CCDC85A: variants seen among roughly 807,000 people sequenced by gnomAD.
The protein encoded by CCDC85A is coiled-coil domain containing 85A, also known as coiled-coil domain-containing protein 85A.
A neutral mutation model predicts 50.2 loss-of-function variants in CCDC85A; 38 were observed. The observed-to-expected ratio is 0.76, with a 90% CI of 0.58 to 0.99. The LOEUF is 0.99. CCDC85A is among the 50% of genes least tolerant of loss of function. The probability of loss-of-function intolerance (pLI) is 0.00; values close to 1 mark genes in which losing one functional copy is unlikely to be tolerated. For synonymous variants in CCDC85A, 366 were observed against 301.4 expected (o/e 1.21, Z -2.22); for missense variants, 820 against 742.0 (o/e 1.11, Z -1.22).
chr2:56,340,566 G>C (rs1484822366), intron 2 of CCDC85A, among the ~76,000 whole-genome samples: 2 of 152,206 alleles, frequency 1.3e-5, no homozygotes, highest in South Asian at 4.1e-4. Flanking sequence ...TAGAGCAGTA[G>C]TGAAAGTTTA....
At chr2:56,341,866 T>C (rs1294129155) in intron 2 of CCDC85A, among the ~76,000 whole-genome samples, 1 of 152,244 alleles carries the variant, frequency 6.6e-6, no homozygotes, top group African/African-American at 2.4e-5. Context: ...AATAGCTCTT[T>C]CATGTTTTTT....
At chr2:56,317,143 T>A (rs151257658) in intron 2 of CCDC85A, among the ~76,000 whole-genome samples, 42 of 152,234 alleles carry the variant, frequency 2.8e-4, no homozygotes, top group African/African-American at 8.2e-4. Context: ...CCTGTATTTC[T>A]CATAGCCAAG....
At chr2:56,321,478 C>T (rs528343215) in intron 2 of CCDC85A, among the ~76,000 whole-genome samples, 5 of 152,142 alleles carry the variant, frequency 3.3e-5, no homozygotes, top group East Asian at 3.9e-4. Flanking sequence ...AAAAATCACA[C>T]GCATTCCTAT....
chr2:56,228,586 G>A (rs1366342167), intron 2 of CCDC85A, among the ~76,000 whole-genome samples: 2 of 151,584 alleles, frequency 1.3e-5, no homozygotes, highest in African/African-American at 2.4e-5. Context: ...AGGCTGGAGT[G>A]CAGTGGCACG....
At chr2:56,221,279 T>A (rs1001847995) in intron 2 of CCDC85A, among the ~76,000 whole-genome samples, 1 of 152,080 alleles carries the variant, frequency 6.6e-6, no homozygotes, top group Non-Finnish European at 1.5e-5. Flanking sequence ...TTTTATACCA[T>A]ATATACACTT....
intron 2 of CCDC85A, among the ~76,000 whole-genome samples, chr2:56,335,598 A>G (rs1674031910): frequency 7.3e-6 from 1 of 136,704 alleles, no homozygotes; most frequent in Non-Finnish European, 1.5e-5. Context: ...AGGGGGCCAA[A>G]CTCATCTTTT....
rs1277065742 is a variant in CCDC85A, at chr2:56,184,804, G to A, written c.180G>A (p.Glu60=). 1.9e-6 allele frequency: 3 copies of A among 1,546,350 alleles called. No individual in the cohort carries two copies. The highest frequency in any genetic ancestry group is 1.2e-5 in the South Asian group (1 of 83,780). Residue 60 remains glutamate (E), a synonymous_variant, in exon 1 of 6, where the codon GAG becomes GAA. Transcript: ENST00000407595. Reference sequence around the variant, plus strand: ...TGATCCGCAGCCTGCGGCGCGCCGAGGCGGAGAAGGTGAGCGCGATGCTGG... The same window carrying A: ...TGATCCGCAGCCTGCGGCGCGCCGAAGCGGAGAAGGTGAGCGCGATGCTGG... ...EELIRSLRRA[E]AEKVSAMLDH... is the part of the protein sequence containing the mutation.
At chr2:56,200,900 C>T (rs1465952367) in intron 2 of CCDC85A, among the ~76,000 whole-genome samples, 8 of 151,430 alleles carry the variant, frequency 5.3e-5, no homozygotes, top group South Asian at 2.1e-4. Context: ...ATTCAATTAC[C>T]GGATAAATGA....
intron 2 of CCDC85A, among the ~76,000 whole-genome samples, chr2:56,307,945 A>G (rs1672516896): frequency 6.6e-6 from 1 of 152,244 alleles, no homozygotes; most frequent in Non-Finnish European, 1.5e-5. Flanking sequence ...GAACACAGCT[A>G]TGATGACATA....
At chr2:56,226,289 A>T (rs367814611) in intron 2 of CCDC85A, among the ~76,000 whole-genome samples, 1 of 152,200 alleles carries the variant, frequency 6.6e-6, no homozygotes, top group Non-Finnish European at 1.5e-5. Context: ...AATAGATGTT[A>T]TGAGGGCAAG....
chr2:56,382,482 G>A (rs933887673), intron 5 of CCDC85A, among the ~76,000 whole-genome samples: 2 of 151,962 alleles, frequency 1.3e-5, no homozygotes, highest in African/African-American at 2.4e-5. Flanking sequence ...AGAAATAAAT[G>A]TACTGCCCCC....
intron 2 of CCDC85A, among the ~76,000 whole-genome samples, chr2:56,331,611 A>G (rs1673799322): frequency 6.6e-6 from 1 of 152,170 alleles, no homozygotes; most frequent in African/African-American, 2.4e-5. Flanking sequence ...TTCTGGTACA[A>G]TAGACCCTAA....
chr2:56,211,755 CT>C (rs1035877571), intron 2 of CCDC85A, among the ~76,000 whole-genome samples: 3 of 151,938 alleles, frequency 2.0e-5, no homozygotes, highest in African/African-American at 7.2e-5. Context: ...TATGTGTCCC[CT>C]ATCCCCTGTT....
At chr2:56,221,143 C>T (rs768541544) in intron 2 of CCDC85A, among the ~76,000 whole-genome samples, 6 of 151,962 alleles carry the variant, frequency 3.9e-5, no homozygotes, top group South Asian at 2.1e-4. Context: ...AGATTAGCCA[C>T]GTAGAACTGT....
In CCDC85A at chr2:56,365,777, C is replaced by A. The variant is rs572672802; in HGVS notation, c.1318-6567C>A. On this transcript the variant is annotated intron_variant, in intron 3 of 5. Transcript: ENST00000407595. ...ATCATTTTTGGGTGAGAACACTTTA[C>A]ATCCACTTTCTTAGTATTTTTCAAG... Among the ~76,000 whole-genome samples, 27 of 152,238 alleles carry A rather than the reference C, an allele frequency of 1.8e-4. 1 individual carries two copies. The South Asian group carries it at 2.7e-3, about 15-fold the overall frequency.
chr2:56,375,955 C>A lies in CCDC85A; in HGVS notation c.1572+20C>A, dbSNP rs774041215. ...CTTAAGGTAACCAATCGTGTGCAACCATTTATCCAGAGCTTCAGTTGTGTC... is the reference window on the plus strand; with the variant it reads ...CTTAAGGTAACCAATCGTGTGCAACAATTTATCCAGAGCTTCAGTTGTGTC... On this transcript the variant is annotated intron_variant, in intron 5 of 5. Coordinates refer to ENST00000407595, the MANE Select transcript of CCDC85A (RefSeq NM_001080433.2). 4 of 1,606,722 alleles carry A rather than the reference C, an allele frequency of 2.5e-6. No homozygotes were observed. The South Asian group carries it at 4.4e-5, about 18-fold the overall frequency.
At chr2:56,277,190 GT>G (rs1167524891) in intron 2 of CCDC85A, among the ~76,000 whole-genome samples, 48 of 152,144 alleles carry the variant, frequency 3.2e-4, no homozygotes, top group Non-Finnish European at 6.0e-4. Context: ...TTGATGGGAA[GT>G]TTCTACCTAT....
chr2:56,232,679 A>G (rs996197635), intron 2 of CCDC85A, among the ~76,000 whole-genome samples: 37 of 152,078 alleles, frequency 2.4e-4, no homozygotes, highest in African/African-American at 8.7e-4. Flanking sequence ...TTTATAAATT[A>G]CCCAGTCTCT....
At chr2:56,346,856 C>T (rs1295599992) in intron 3 of CCDC85A, among the ~76,000 whole-genome samples, 1 of 152,170 alleles carries the variant, frequency 6.6e-6, no homozygotes, top group Non-Finnish European at 1.5e-5. Flanking sequence ...ACATAATACA[C>T]ATAATGCTAA....
Sources: allele counts gnomAD v4.1 joint callset (sites outside exome capture counted in the v4.1 genomes callset), GRCh38; gene constraint gnomAD v4.1.1; transcripts MANE v1.5; gene names NCBI Gene and HGNC (gene_info 2026-07-23, HGNC 2026-07-21).